The following EXTL3 variants were observed in gnomAD, a reference collection of about 807,000 sequenced individuals.
The protein encoded by EXTL3 is exostosin like glycosyltransferase 3.
In EXTL3, 27 loss-of-function variants were observed where a neutral mutation model predicts 69.3. The observed-to-expected ratio is 0.39, with a 90% confidence interval of 0.29 to 0.54. EXTL3 has a LOEUF of 0.54. EXTL3 is among the 20% of genes least tolerant of loss of function. EXTL3 has a pLI of 0.69. For missense variants in EXTL3, 1,003 were observed against 1,231.8 expected, an observed-to-expected ratio of 0.81 and a Z score of 2.78; for synonymous variants, 511 against 499.4, an observed-to-expected ratio of 1.02 and a Z score of -0.31.
At chr8:28,673,884 G>T (rs943903901) in intron 1 of EXTL3, among the ~76,000 whole-genome samples, 1 of 152,066 alleles carries the variant, frequency 6.6e-6, no homozygotes, top group Non-Finnish European at 1.5e-5. Flanking sequence ...CTGGTTCTGG[G>T]GTTTCTAGAA....
chr8:28,620,714 T>C (rs1159142736), upstream of EXTL3, among the ~76,000 whole-genome samples: 1 of 152,148 alleles, frequency 6.6e-6, no homozygotes, highest in African/African-American at 2.4e-5. Flanking sequence ...TTTTCTTTTG[T>C]TTTCTTTTCT....
intron 5 of EXTL3, chr8:28,739,918 T>C (rs1801740263): frequency 6.6e-6 from 1 of 152,234 alleles, no homozygotes; most frequent in South Asian, 2.1e-4. Flanking sequence ...TGAATTGCCT[T>C]CCCAGATTCA....
chr8:28,636,341 A>AC (rs1273837942), intron 1 of EXTL3, among the ~76,000 whole-genome samples: 2 of 151,738 alleles, frequency 1.3e-5, no homozygotes, highest in Non-Finnish European at 2.9e-5. Flanking sequence ...CAAAAAAAAA[A>AC]AAAAACAAAT....
intron 1 of EXTL3, among the ~76,000 whole-genome samples, chr8:28,648,260 C>G (rs1192526406): frequency 2.0e-5 from 3 of 152,130 alleles, no homozygotes; most frequent in African/African-American, 7.2e-5. Flanking sequence ...ATTGTACAGT[C>G]TAAATACTAT....
At chr8:28,699,887 C>A (rs1045232373), upstream of EXTL3, 41 of 152,278 alleles carry the variant, frequency 2.7e-4, no homozygotes, top group African/African-American at 9.9e-4. Context: ...AAGACTGAGT[C>A]GAACAGGTAG....
intron 1 of EXTL3, among the ~76,000 whole-genome samples, chr8:28,632,109 A>G (rs1806578571): frequency 6.6e-6 from 1 of 150,780 alleles, no homozygotes; most frequent in South Asian, 2.1e-4. Context: ...CCCACCAAAA[A>G]AAAAAATTTA....
intron 1 of EXTL3, among the ~76,000 whole-genome samples, chr8:28,673,323 C>A (rs1043051361): frequency 1.3e-5 from 2 of 152,132 alleles, no homozygotes; most frequent in African/African-American, 4.8e-5. Context: ...TGTGTCTTTG[C>A]GGGTGTTTCT....
chr8:28,630,738 A>G (rs1343953312), intron 1 of EXTL3, among the ~76,000 whole-genome samples: 1 of 152,232 alleles, frequency 6.6e-6, no homozygotes, highest in Non-Finnish European at 1.5e-5. Context: ...TGGGTAAGAC[A>G]TGGTGCCTGC....
chr8:28,715,938 C>G lies in EXTL3; in HGVS notation c.-122C>G. 1 of 763,272 alleles carries G rather than the reference C, an allele frequency of 1.3e-6. No homozygotes were observed. The highest frequency in any genetic ancestry group is 1.7e-5 in the African/African-American group (1 of 58,206). 47.3% of individuals were successfully genotyped at this position (763,272 alleles called of 1,614,324 possible). A position where few individuals can be genotyped will look rare whatever the true frequency, so the allele number is the denominator to read the frequency against. ...ATGTTCATTTTATTTGGTGCCTTGT[C>G]TGGGGAGCACACTAACTCTTCTGGA... On this transcript the variant is annotated 5_prime_UTR_variant, in exon 3 of 7. Transcript: ENST00000220562.
At chr8:28,619,748 A>G (rs974692176), upstream of EXTL3, among the ~76,000 whole-genome samples, 5 of 148,816 alleles carry the variant, frequency 3.4e-5, no homozygotes, top group African/African-American at 1.2e-4. Flanking sequence ...TGGCAGTATT[A>G]CAGCACAGGC....
At chr8:28,648,012 T>C (rs1806862509) in intron 1 of EXTL3, among the ~76,000 whole-genome samples, 1 of 151,952 alleles carries the variant, frequency 6.6e-6, no homozygotes, top group African/African-American at 2.4e-5. Flanking sequence ...CTGGTCATGC[T>C]ACCTGGCTAG....
intron 1 of EXTL3, among the ~76,000 whole-genome samples, chr8:28,702,712 C>G (rs957566177): frequency 6.6e-6 from 1 of 152,072 alleles, no homozygotes; most frequent in Admixed American, 6.6e-5. Flanking sequence ...ATTATTTCCC[C>G]CATATGTGAT....
chr8:28,709,811 G>C (rs948912979), intron 1 of EXTL3, among the ~76,000 whole-genome samples: 5 of 152,162 alleles, frequency 3.3e-5, no homozygotes, highest in Admixed American at 3.3e-4. Context: ...TGTGAGAGGA[G>C]GAGGGCCCTG....
At chr8:28,631,370 C>G (rs1806568279) in intron 1 of EXTL3, 2 of 152,090 alleles carry the variant, frequency 1.3e-5, no homozygotes, top group African/African-American at 4.8e-5. Flanking sequence ...CTGGGAGAGT[C>G]ACTTTCAGGA....
intron 1 of EXTL3, among the ~76,000 whole-genome samples, chr8:28,652,285 C>G (rs758462694): frequency 6.6e-6 from 1 of 152,076 alleles, no homozygotes; most frequent in Non-Finnish European, 1.5e-5. Flanking sequence ...ACAGTGGTTG[C>G]GTCGCTACAT....
At chr8:28,748,263 C>T (rs565837400) in intron 6 of EXTL3, among the ~76,000 whole-genome samples, 32 of 151,062 alleles carry the variant, frequency 2.1e-4, no homozygotes, top group African/African-American at 6.3e-4. Context: ...CCCAGCTACT[C>T]GGGAGGCTGA....
chr8:28,665,547 G>A (rs1040405883), intron 1 of EXTL3, among the ~76,000 whole-genome samples: 1 of 151,642 alleles, frequency 6.6e-6, no homozygotes, highest in African/African-American at 2.4e-5. Context: ...AAGTAGTTGG[G>A]ACTACAGGCA....
chr8:28,644,006 C>G (rs1563434020), intron 1 of EXTL3, among the ~76,000 whole-genome samples: 1 of 152,142 alleles, frequency 6.6e-6, no homozygotes, highest in Non-Finnish European at 1.5e-5. Context: ...ATAAAGTGGT[C>G]CTCTGCCTCG....
intron 1 of EXTL3, among the ~76,000 whole-genome samples, chr8:28,703,135 A>C (rs1800847552): frequency 6.6e-6 from 1 of 152,214 alleles, no homozygotes; most frequent in Admixed American, 6.5e-5. Flanking sequence ...GAATCATAAG[A>C]ACTCACGAGC....
Sources: allele counts gnomAD v4.1 joint callset (sites outside exome capture counted in the v4.1 genomes callset), GRCh38; gene constraint gnomAD v4.1.1; transcripts MANE v1.5; gene names NCBI Gene and HGNC (gene_info 2026-07-23, HGNC 2026-07-21).